Variants in MMP16 observed in about 807,000 individuals in gnomAD.
MMP16 encodes matrix metallopeptidase 16, also known as matrix metalloproteinase-16.
A neutral mutation model predicts 67.8 loss-of-function variants in MMP16; 12 were observed. The ratio of observed to expected loss-of-function variants is 0.18; its 90% CI spans 0.11 to 0.29. The LOEUF (loss-of-function observed/expected upper bound fraction) is 0.29, where lower values mean the gene tolerates loss of function less well. Among genes scored for constraint, MMP16 ranks in the 10% least tolerant of loss-of-function variants. The probability of loss-of-function intolerance (pLI) is 1.00; values close to 1 mark genes in which losing one functional copy is unlikely to be tolerated. For missense variants in MMP16, 475 were observed against 765.7 expected (o/e 0.62, Z 4.48); for synonymous variants, 249 against 255.9 (o/e 0.97, Z 0.26).
At chr8:88,210,796 A>C (rs1809501192) in intron 1 of MMP16, among the ~76,000 whole-genome samples, 1 of 152,120 alleles carries the variant, frequency 6.6e-6, no homozygotes, top group African/African-American at 2.4e-5. Flanking sequence ...GATAAAAATC[A>C]ATGTGGAATT....
rs558766163 is a variant in MMP16, at chr8:88,327,371, G to C, written c.-165C>G. 7.8e-5 allele frequency: 60 copies of C among 765,258 alleles called. No homozygotes were observed. In the South Asian group the frequency reaches 1.0e-3, roughly 13 times the overall value. 47.4% of individuals were successfully genotyped at this position (765,258 alleles called of 1,614,324 possible). ...GGGAGGAGACAGGGGCCCCGCGCTC[G>C]GCAGCCCCCGAGAGGCAGCGGCGAA... On this transcript the variant is annotated 5_prime_UTR_variant, in exon 1 of 10. Transcript: ENST00000286614.
chr8:88,130,151 T>C (rs1393476368), intron 4 of MMP16, among the ~76,000 whole-genome samples: 4 of 151,812 alleles, frequency 2.6e-5, no homozygotes, highest in African/African-American at 9.7e-5. Flanking sequence ...CCTTAATGTA[T>C]GAATTTAAAA....
chr8:88,182,716 A>C (rs971470923), intron 3 of MMP16, among the ~76,000 whole-genome samples: 3 of 152,170 alleles, frequency 2.0e-5, no homozygotes, highest in Non-Finnish European at 2.9e-5. Flanking sequence ...ATATTTATCC[A>C]AATGAGTTAA....
intron 4 of MMP16, among the ~76,000 whole-genome samples, chr8:88,158,336 G>T (rs559600535): frequency 6.6e-6 from 1 of 152,230 alleles, no homozygotes; most frequent in African/African-American, 2.4e-5. Context: ...AGCACCTGTT[G>T]TTTCCTGACT....
rs28904599 is a variant in MMP16, at chr8:88,244,091, G to A, written c.133-46785C>T. 7.9e-3 allele frequency among the ~76,000 whole-genome samples: 1,196 copies of A among 151,658 alleles called. 7 individuals are homozygous for A. Among genetic ancestry groups the A allele is most frequent in the African/African-American group, 0.016 (642 of 41,368 alleles). On this transcript the variant is annotated intron_variant, in intron 1 of 9. Coordinates refer to ENST00000286614, the MANE Select transcript of MMP16 (RefSeq NM_005941.5). ...AAAGAACCTTTAGAATTAAGCTGAC[G>A]TGTTTCCTTTGTTCAGGGCAACAGT...
At chr8:88,138,682 A>G (rs1808162334) in intron 4 of MMP16, among the ~76,000 whole-genome samples, 1 of 152,016 alleles carries the variant, frequency 6.6e-6, no homozygotes, top group African/African-American at 2.4e-5. Context: ...TGAAGTCTCA[A>G]CCAGAATTGG....
At chr8:88,095,993 G>A (rs927572669) in intron 6 of MMP16, among the ~76,000 whole-genome samples, 2 of 151,836 alleles carry the variant, frequency 1.3e-5, no homozygotes, top group East Asian at 3.9e-4. Flanking sequence ...CTGAAATATT[G>A]GTAAAGGAAA....
At chr8:88,285,280 C>T (rs1585999225) in intron 1 of MMP16, among the ~76,000 whole-genome samples, 1 of 151,992 alleles carries the variant, frequency 6.6e-6, no homozygotes, top group East Asian at 1.9e-4. Context: ...GCTGGGATTA[C>T]AGGCGCCTGC....
chr8:88,170,328 G>A (rs1808779011), intron 3 of MMP16, among the ~76,000 whole-genome samples: 1 of 151,734 alleles, frequency 6.6e-6, no homozygotes, highest in African/African-American at 2.4e-5. Context: ...ATATTTTGAG[G>A]AAGAATAAAC....
rs749625537 is a variant in MMP16 at position 88,074,627 on chromosome 8, G to A, written c.1200C>T (p.Asp400=). Residue 400 remains aspartate (D), a synonymous_variant, in exon 7 of 10, where the codon GAC becomes GAT. Coordinates refer to ENST00000286614, the MANE Select transcript of MMP16 (RefSeq NM_005941.5). The part of the protein sequence containing the change: ...PSIDAVYENS[D]GNFVFFKGNK... ...TACCTTTAAAGAACACAAAATTCCC[G>A]TCGCTATTTTCATAAACTGCATCGA... 7.4e-5 allele frequency: 120 copies of A among 1,612,958 alleles called. No individual in the cohort carries two copies. The highest frequency in any genetic ancestry group is 9.6e-5 in the Non-Finnish European group (113 of 1,179,536).
chr8:88,056,565 C>A (rs1808335685), intron 7 of MMP16, among the ~76,000 whole-genome samples: 1 of 151,924 alleles, frequency 6.6e-6, no homozygotes, highest in Non-Finnish European at 1.5e-5. Flanking sequence ...TATAACTTTG[C>A]CATAAAGAAA....
intron 1 of MMP16, among the ~76,000 whole-genome samples, chr8:88,232,060 G>C (rs1479810790): frequency 6.6e-6 from 1 of 152,076 alleles, no homozygotes; most frequent in Non-Finnish European, 1.5e-5. Context: ...GGAGTAGGGA[G>C]GCAATCGAGA....
chr8:88,283,870 C>T (rs1180222970), intron 1 of MMP16, among the ~76,000 whole-genome samples: 3 of 152,198 alleles, frequency 2.0e-5, no homozygotes, highest in Admixed American at 1.3e-4. Context: ...GACTACACAA[C>T]ATCATTACCC....
At chr8:88,125,603 C>T (rs1172620557) in intron 4 of MMP16, among the ~76,000 whole-genome samples, 6 of 151,876 alleles carry the variant, frequency 4.0e-5, no homozygotes, top group Non-Finnish European at 8.8e-5. Flanking sequence ...CCAAACTATA[C>T]TTTTTATTCC....
At chr8:88,063,301 A>G (rs1307770746) in intron 7 of MMP16, among the ~76,000 whole-genome samples, 1 of 151,990 alleles carries the variant, frequency 6.6e-6, no homozygotes, top group Non-Finnish European at 1.5e-5. Context: ...TCTGTTTATT[A>G]TGAGCCTATT....
intron 1 of MMP16, among the ~76,000 whole-genome samples, chr8:88,299,867 T>C (rs754397185): frequency 2.3e-4 from 35 of 152,236 alleles, no homozygotes; most frequent in Non-Finnish European, 3.2e-4. Context: ...TTTCCTATAC[T>C]AATTTCATGC....
chr8:88,153,504 G>T (rs1180977998), intron 4 of MMP16, among the ~76,000 whole-genome samples: 1 of 152,080 alleles, frequency 6.6e-6, no homozygotes, highest in East Asian at 1.9e-4. Context: ...CATGGTACTG[G>T]TACCAAAACA....
intron 2 of MMP16, 147 bp downstream of exon 2, chr8:88,197,011 T>C (rs1263405783): frequency 1.5e-6 from 1 of 677,270 alleles, no homozygotes; most frequent in Non-Finnish European, 2.3e-6. Flanking sequence ...ATTGGAGGAG[T>C]GGGGTTAAAT....
At chr8:88,233,051 T>A (rs895625745) in intron 1 of MMP16, among the ~76,000 whole-genome samples, 5 of 152,142 alleles carry the variant, frequency 3.3e-5, no homozygotes, top group African/African-American at 1.2e-4. Context: ...TTACTTAGTG[T>A]CTCTAAGCCA....
Sources: gnomAD v4.1 joint callset for allele counts (sites outside exome capture counted in the v4.1 genomes callset) on GRCh38, gnomAD v4.1.1 for gene constraint, MANE v1.5 for transcripts, NCBI Gene and HGNC (gene_info 2026-07-23, HGNC 2026-07-21) for gene names.